The following TBC1D30 variants were observed in gnomAD, a reference collection of about 807,000 sequenced individuals.
TBC1D30 encodes the protein TBC1 domain family, member 30.
In TBC1D30, 31 loss-of-function variants were observed where a neutral mutation model predicts 63.2. That is an observed-to-expected ratio of 0.49 (90% CI 0.37 to 0.66). The LOEUF is 0.66. TBC1D30 is among the 30% of genes least tolerant of loss of function. TBC1D30 has a pLI of 0.00. For synonymous variants in TBC1D30, 307 were observed against 361.5 expected (o/e 0.85, Z 1.71); for missense variants, 810 against 953.6 (o/e 0.85, Z 1.98).
chr12:64,810,338 A>G (rs998778998), intron 2 of TBC1D30, among the ~76,000 whole-genome samples: 2 of 152,088 alleles, frequency 1.3e-5, no homozygotes, highest in African/African-American at 4.8e-5. Flanking sequence ...CTCCCCCATC[A>G]TCGTCTGGTG....
chr12:64,834,197 A>G (rs1256895729), intron 5 of TBC1D30, among the ~76,000 whole-genome samples: 2 of 152,198 alleles, frequency 1.3e-5, no homozygotes, highest in African/African-American at 4.8e-5. Flanking sequence ...GGCTTCATGA[A>G]GAAACACTTC....
rs1879114163 is a variant in TBC1D30, at chr12:64,876,755, A to G, written c.*967A>G. The G allele has an allele frequency of 6.6e-6, 3 of 455,858 alleles. No homozygotes were observed. The Admixed American group carries it at 7.1e-5, about 11-fold the overall frequency. The allele number at this position is 455,858 out of a possible 1,614,324, so 28.2% of individuals were successfully genotyped here. A position where few individuals can be genotyped will look rare whatever the true frequency, so the allele number is the denominator to read the frequency against. On this transcript the variant is annotated 3_prime_UTR_variant, in exon 12 of 12. Transcript: ENST00000539867. Reference sequence around the variant, plus strand: ...TTTTGATTGGAGTCCTTTGTTGAGTACTTTGTTAATTGAACACTGCCTTTC... The same window carrying G: ...TTTTGATTGGAGTCCTTTGTTGAGTGCTTTGTTAATTGAACACTGCCTTTC...
intron 7 of TBC1D30, among the ~76,000 whole-genome samples, chr12:64,841,683 A>G (rs1473956168): frequency 6.6e-6 from 1 of 152,138 alleles, no homozygotes; most frequent in Non-Finnish European, 1.5e-5. Context: ...GCAGTTCCCC[A>G]GATAAGGCCT....
chr12:64,801,710 C>G (rs1394746407), intron 2 of TBC1D30, among the ~76,000 whole-genome samples: 1 of 152,118 alleles, frequency 6.6e-6, no homozygotes, highest in Non-Finnish European at 1.5e-5. Flanking sequence ...TTAATACAAT[C>G]TTTACATGAG....
At chr12:64,814,339 G>A (rs544500281) in intron 2 of TBC1D30, among the ~76,000 whole-genome samples, 11 of 152,230 alleles carry the variant, frequency 7.2e-5, no homozygotes, top group African/African-American at 2.2e-4. Context: ...GAGCCACCAT[G>A]CCTGGCCAGG....
At chr12:64,770,025 A>G (rs1253303997) in intron 1 of TBC1D30, among the ~76,000 whole-genome samples, 3 of 152,214 alleles carry the variant, frequency 2.0e-5, no homozygotes, top group Admixed American at 6.5e-5. Context: ...TATACGATTC[A>G]AAGTGCTTAT....
intron 2 of TBC1D30, chr12:64,818,493 G>A: frequency 1.4e-6 from 1 of 731,882 alleles, no homozygotes. Flanking sequence ...ATGCTGGAAT[G>A]CAGTGGCGCA....
At chr12:64,817,064 G>A (rs1338185917) in intron 2 of TBC1D30, among the ~76,000 whole-genome samples, 1 of 152,122 alleles carries the variant, frequency 6.6e-6, no homozygotes, top group Admixed American at 6.5e-5. Flanking sequence ...TTAGTCCTTT[G>A]GAGCAAACAC....
At chr12:64,784,192 G>A (rs1045642280) in intron 1 of TBC1D30, among the ~76,000 whole-genome samples, 25 of 152,042 alleles carry the variant, frequency 1.6e-4, no homozygotes, top group African/African-American at 6.0e-4. Flanking sequence ...CGTTATTTAT[G>A]TTAGTGTTTA....
At chr12:64,871,147 T>C (rs1878626359) in intron 11 of TBC1D30, among the ~76,000 whole-genome samples, 1 of 151,448 alleles carries the variant, frequency 6.6e-6, no homozygotes, top group African/African-American at 2.5e-5. Context: ...GGAGCATAAA[T>C]TTTATGCATC....
upstream of TBC1D30, among the ~76,000 whole-genome samples, chr12:64,776,124 G>A (rs1411509138): frequency 2.0e-5 from 3 of 152,148 alleles, no homozygotes; most frequent in Non-Finnish European, 4.4e-5. Flanking sequence ...ACACAGCTAA[G>A]GCAGTGTTAA....
At chr12:64,832,660 C>T (rs1485216292) in intron 5 of TBC1D30, among the ~76,000 whole-genome samples, 3 of 152,228 alleles carry the variant, frequency 2.0e-5, no homozygotes, top group South Asian at 2.1e-4. Flanking sequence ...CACAGCCTAA[C>T]TGCCTCAAGG....
upstream of TBC1D30, among the ~76,000 whole-genome samples, chr12:64,778,401 CAAAAT>C (rs1871141156): frequency 6.6e-6 from 1 of 150,970 alleles, no homozygotes; most frequent in Non-Finnish European, 1.5e-5. Flanking sequence ...AGACAGATAA[CAAAAT>C]AAATCAGTAG....
chr12:64,768,283 T>C (rs185927593), intron 1 of TBC1D30: 451 of 152,308 alleles, frequency 3.0e-3, no homozygotes, highest in African/African-American at 0.01. Context: ...ATAATGAGAC[T>C]TTATTATGTG....
chr12:64,784,159 T>TA (rs1258653714), intron 1 of TBC1D30, among the ~76,000 whole-genome samples: 1 of 152,072 alleles, frequency 6.6e-6, no homozygotes, highest in East Asian at 1.9e-4. Context: ...TTCTTCATGG[T>TA]AATTCCTTAT....
Position 64,824,699 on chromosome 12 carries a change from G to C in TBC1D30, c.-181G>C. Reference sequence around the variant, plus strand: ...CCTGCTGGCTTCCCTGCGCTCGGCGGCTCCCGCGGTGCCCCGTAAGTCCCC... The same window carrying C: ...CCTGCTGGCTTCCCTGCGCTCGGCGCCTCCCGCGGTGCCCCGTAAGTCCCC... On this transcript the variant is annotated 5_prime_UTR_variant, in exon 1 of 12. Coordinates refer to ENST00000539867, the MANE Select transcript of TBC1D30 (RefSeq NM_015279.2). 1 of 781,676 alleles carries C rather than the reference G, an allele frequency of 1.3e-6. No homozygotes were observed. Among genetic ancestry groups the C allele is most frequent in the Non-Finnish European group, 1.9e-6 (1 of 523,260 alleles). The allele number at this position is 781,676 out of a possible 1,614,324, so 48.4% of individuals were successfully genotyped here.
intron 2 of TBC1D30, among the ~76,000 whole-genome samples, chr12:64,805,340 ATTG>A (rs1197861109): frequency 2.0e-5 from 3 of 152,156 alleles, no homozygotes; most frequent in African/African-American, 4.8e-5. Context: ...ATGTTAATAG[ATTG>A]TTGTTGTTGT....
At chr12:64,848,452 A>G (rs1206056541) in intron 8 of TBC1D30, among the ~76,000 whole-genome samples, 2 of 151,874 alleles carry the variant, frequency 1.3e-5, no homozygotes, top group South Asian at 2.1e-4. Context: ...AGGCCCCGGT[A>G]TGTGATGTTC....
chr12:64,786,671 C>T (rs912315089), intron 2 of TBC1D30, among the ~76,000 whole-genome samples: 1 of 151,862 alleles, frequency 6.6e-6, no homozygotes, highest in African/African-American at 2.4e-5. Flanking sequence ...GCATCACTGG[C>T]TGGGTGTGGT....
Sources: allele counts gnomAD v4.1 joint callset (sites outside exome capture counted in the v4.1 genomes callset), GRCh38; gene constraint gnomAD v4.1.1; transcripts MANE v1.5; gene names NCBI Gene and HGNC (gene_info 2026-07-23, HGNC 2026-07-21).